SPAG17: variants seen among roughly 807,000 people sequenced by gnomAD.
SPAG17 encodes the protein sperm associated antigen 17.
Under a neutral mutation model 273.6 loss-of-function variants are expected in SPAG17, and 169 were observed. The observed-to-expected ratio is 0.62, with a 90% CI of 0.55 to 0.70. The LOEUF (loss-of-function observed/expected upper bound fraction) is 0.70, where lower values mean the gene tolerates loss of function less well. Among genes scored for constraint, SPAG17 ranks in the 30% least tolerant of loss-of-function variants. The pLI is 0.00. For missense variants in SPAG17, 2,557 were observed against 2,627.8 expected, an observed-to-expected ratio of 0.97 and a Z score of 0.59; for synonymous variants, 825 against 873.2, an observed-to-expected ratio of 0.94 and a Z score of 0.97.
rs1658868861 is a variant in SPAG17 at position 118,144,614 on chromosome 1, CA to C, written c.315+5928del. Among the ~76,000 whole-genome samples, 6 of 152,206 alleles carry C rather than the reference CA, an allele frequency of 3.9e-5. No homozygotes were observed. In the South Asian group the frequency reaches 1.2e-3, roughly 32 times the overall value. ...GTTCCAGCTTTAAAAAATGTTCCAT[CA>C]GGGGTTATTTCTGCTATTTTGATAG... On this transcript the variant is annotated intron_variant, in intron 3 of 48. Transcript: ENST00000336338.
In SPAG17 at chr1:117,994,452, G is replaced by C; in HGVS notation, c.5132C>G (p.Pro1711Arg). The C allele has an allele frequency of 6.2e-7, 1 of 1,612,946 alleles. No homozygotes were observed. The highest frequency in any genetic ancestry group is 8.5e-7 in the Non-Finnish European group (1 of 1,179,214). ...WQVKKEDTIV[P>R]PNLRSRSWET... ...CCATGACCTTGACCGGAGATTAGGA[G>C]GGACAATTGTATCTTCCTTTTTTAC... is the stretch of plus-strand genomic sequence containing the variant. Residue 1711 changes from proline (P) to arginine (R), a missense_variant, in exon 35 of 49, where the codon CCT becomes CGT. Transcript: ENST00000336338.
Position 118,116,443 on chromosome 1 carries a change from A to G in SPAG17, c.316-1002T>C, listed in dbSNP as rs536216189. Among the ~76,000 whole-genome samples the G allele has an allele frequency of 2.0e-5, 3 of 152,198 alleles. No homozygotes were observed. The East Asian group carries it at 5.8e-4, about 29-fold the overall frequency. ...ACATGTTGCTTTTCTCCCCCCTTGG[A>G]GTAATCACTCCTGGGGCGCATATGG... On this transcript the variant is annotated intron_variant, in intron 3 of 48. Coordinates refer to ENST00000336338, the MANE Select transcript of SPAG17 (RefSeq NM_206996.4).
Position 118,179,833 on chromosome 1 carries a change from AT to A in SPAG17, c.87+5237del, listed in dbSNP as rs540118653. 5.7e-4 allele frequency among the ~76,000 whole-genome samples: 87 copies of A among 152,252 alleles called. 1 individual carries two copies. The highest frequency in any genetic ancestry group is 2.0e-3 in the African/African-American group (84 of 41,582). Reference sequence around the variant, plus strand: ...AGATGTACAAATGACCAAAAGGTATATGAAAAGATGCTCAACATCGCTAATC... The same window carrying A: ...AGATGTACAAATGACCAAAAGGTATAGAAAAGATGCTCAACATCGCTAATC... On this transcript the variant is annotated intron_variant, in intron 1 of 48. Transcript: ENST00000336338.
intron 18 of SPAG17, among the ~76,000 whole-genome samples, chr1:118,056,842 A>AACATGTCCC (rs1447579793): frequency 5.3e-5 from 8 of 152,320 alleles, no homozygotes; most frequent in East Asian, 1.9e-4. Flanking sequence ...ACATGTCCCC[A>AACATGTCCC]AATGAACTCT....
chr1:118,084,526 A>G (rs2102159664), intron 13 of SPAG17, among the ~76,000 whole-genome samples: 1 of 152,306 alleles, frequency 6.6e-6, no homozygotes, highest in South Asian at 2.1e-4. Flanking sequence ...AACTCAGATG[A>G]GACGTGATTC....
Position 118,170,910 on chromosome 1 carries a change from G to A in SPAG17, c.87+14161C>T, listed in dbSNP as rs187007356. On this transcript the variant is annotated intron_variant, in intron 1 of 48. Coordinates refer to ENST00000336338, the MANE Select transcript of SPAG17 (RefSeq NM_206996.4). Reference sequence around the variant, plus strand: ...AGACTAGAAAGAGCAGAAGCAGGCAGGCTAATTAGACTTTGCTCAAAGGGA... The same window carrying A: ...AGACTAGAAAGAGCAGAAGCAGGCAAGCTAATTAGACTTTGCTCAAAGGGA... Among the ~76,000 whole-genome samples, 25 of 152,200 alleles carry A rather than the reference G, an allele frequency of 1.6e-4. No homozygotes were observed. In the East Asian group the frequency reaches 4.2e-3, roughly 26 times the overall value.
intron 12 of SPAG17, among the ~76,000 whole-genome samples, 185 bp downstream of exon 12, chr1:118,086,486 G>GAATTTTGAAATT (rs1655004957): frequency 1.3e-5 from 2 of 152,076 alleles, no homozygotes; most frequent in Admixed American, 1.3e-4. Context: ...AATTTCCTCG[G>GAATTTTGAAATT]CTGACATCAT....
At chr1:118,075,013 T>C (rs1358989025) in intron 15 of SPAG17, among the ~76,000 whole-genome samples, 4 of 152,206 alleles carry the variant, frequency 2.6e-5, no homozygotes, top group Non-Finnish European at 4.4e-5. Flanking sequence ...GGATCTTATC[T>C]TGTGGATGAC....
rs544738140 is a variant in SPAG17, at chr1:118,125,513, C to T, written c.316-10072G>A. On this transcript the variant is annotated intron_variant, in intron 3 of 48. Transcript: ENST00000336338. ...GGTAATTTTGTATCCATGAACCAAC[C>T]TCTCCCTTTCTTCCCCTTTTTCCTC... Among the ~76,000 whole-genome samples, 14 of 152,076 alleles carry T rather than the reference C, an allele frequency of 9.2e-5. No individual in the cohort carries two copies. In the South Asian group the frequency reaches 2.9e-3, roughly 32 times the overall value.
At position 117,992,570 on chromosome 1, in the gene SPAG17, G is replaced by A; in HGVS notation, c.5257C>T (p.Pro1753Ser). ...CTGGGGCTCTTGAGTATGGCACCCG[G>A]GGCACTCACTAGCTGTTTGGACTCA... is the stretch of plus-strand genomic sequence containing the variant. The part of the protein sequence containing the change: ...CIESKQLVSA[P>S]GAILKSPSVL... The change falls in exon 36 of 49, where the codon CCG (proline) becomes TCG (serine). Residue 1753 changes from proline to serine, a missense_variant. Pro to Ser is a moderately conservative substitution (Grantham distance 74). Transcript: ENST00000336338. 1 of 1,613,636 alleles carries A rather than the reference G, an allele frequency of 6.2e-7. No homozygotes were observed. The highest frequency in any genetic ancestry group is 8.5e-7 in the Non-Finnish European group (1 of 1,179,852).
At chr1:118,036,495 A>T in intron 24 of SPAG17, 1 of 193,388 alleles carries the variant, frequency 5.2e-6, no homozygotes, top group Non-Finnish European at 1.0e-5. Context: ...GTAATCTTAT[A>T]TGTATAAGTG....
intron 3 of SPAG17, among the ~76,000 whole-genome samples, chr1:118,145,581 G>GAA (rs1658934324): frequency 6.6e-6 from 1 of 151,930 alleles, no homozygotes. Context: ...TCTAATATCA[G>GAA]AAAAATCTTT....
In SPAG17 at chr1:118,180,433, G is replaced by C. The variant is rs139213749; in HGVS notation, c.87+4638C>G. 4.5e-3 allele frequency among the ~76,000 whole-genome samples: 681 copies of C among 152,136 alleles called. 3 individuals carry two copies. The highest frequency in any genetic ancestry group is 7.3e-3 in the Non-Finnish European group (499 of 67,906). On this transcript the variant is annotated intron_variant, in intron 1 of 48. Transcript: ENST00000336338. ...AAGAGTAGAGTGACAGTTATCAGAG[G>C]CTGGGAAAAGTAGCGAAGCCAGGGC...
chr1:118,165,132 C>T (rs989189560), intron 1 of SPAG17, among the ~76,000 whole-genome samples: 17 of 152,194 alleles, frequency 1.1e-4, no homozygotes, highest in Non-Finnish European at 2.4e-4. Flanking sequence ...ACTGTGATCA[C>T]GGCCTTAGAG....
At chr1:117,954,744 A>G in intron 48 of SPAG17, 3 of 1,107,430 alleles carry the variant, frequency 2.7e-6, no homozygotes, top group East Asian at 2.5e-5. Flanking sequence ...TTTGTCTTCA[A>G]AAGTCTCTTT....
At chr1:118,158,474 G>C (rs1419632993) in intron 1 of SPAG17, among the ~76,000 whole-genome samples, 1 of 152,160 alleles carries the variant, frequency 6.6e-6, no homozygotes, top group Non-Finnish European at 1.5e-5. Context: ...AAATGAATCA[G>C]TTGTTTGCTG....
chr1:118,097,313 A>G (rs1327960303), intron 7 of SPAG17, among the ~76,000 whole-genome samples: 2 of 152,240 alleles, frequency 1.3e-5, no homozygotes. Flanking sequence ...ATGTAATTTA[A>G]CAAACTATGA....
intron 18 of SPAG17, among the ~76,000 whole-genome samples, chr1:118,065,687 G>A (rs566859612): frequency 6.6e-6 from 1 of 152,072 alleles, no homozygotes; most frequent in African/African-American, 2.4e-5. Flanking sequence ...CACTTTCATA[G>A]ATTAAAGAAA....
chr1:117,988,496 T>C (rs1557872003), intron 38 of SPAG17, among the ~76,000 whole-genome samples: 3 of 152,234 alleles, frequency 2.0e-5, no homozygotes, highest in Admixed American at 1.3e-4. Flanking sequence ...TTTCCTCATA[T>C]CTGAAGCAGC....
Sources: allele counts gnomAD v4.1 joint callset (sites outside exome capture counted in the v4.1 genomes callset), GRCh38; gene constraint gnomAD v4.1.1; transcripts MANE v1.5; gene names NCBI Gene and HGNC (gene_info 2026-07-23, HGNC 2026-07-21).